Variants in CNTNAP5 observed in about 807,000 individuals in gnomAD.
CNTNAP5 encodes contactin associated protein family member 5.
Under a neutral mutation model 150.2 loss-of-function variants are expected in CNTNAP5, and 72 were observed. That is an observed-to-expected ratio of 0.48 (90% confidence interval 0.40 to 0.58). The LOEUF (loss-of-function observed/expected upper bound fraction) is 0.58. CNTNAP5 is among the 20% of genes least tolerant of loss of function. The pLI is 0.00. For missense variants in CNTNAP5, 1,636 were observed against 1,626.2 expected (o/e 1.01, Z -0.10); for synonymous variants, 672 against 619.8 (o/e 1.08, Z -1.25).
chr2:124,044,407 G>C lies in CNTNAP5; in HGVS notation c.82+18675G>C, dbSNP rs114002375. ...GCTGGAGAAAAGATTTCACAACCCA[G>C]GTAGGATGTGAGCTCCTAGCAGTTT... On this transcript the variant is annotated intron_variant, in intron 1 of 23. Transcript: ENST00000682447. Among the ~76,000 whole-genome samples, 946 of 152,256 alleles carry C rather than the reference G, an allele frequency of 6.2e-3. 10 individuals carry two copies. Among genetic ancestry groups the C allele is most frequent in the African/African-American group, 0.021 (885 of 41,542 alleles).
chr2:124,667,923 G>C (rs1678734055), intron 13 of CNTNAP5, among the ~76,000 whole-genome samples: 1 of 152,180 alleles, frequency 6.6e-6, no homozygotes, highest in African/African-American at 2.4e-5. Flanking sequence ...ACAGTCCTTG[G>C]GAGAAACGAC....
At chr2:124,769,937 T>G (rs72847352) in intron 16 of CNTNAP5, among the ~76,000 whole-genome samples, 1 of 152,124 alleles carries the variant, frequency 6.6e-6, no homozygotes, top group Non-Finnish European at 1.5e-5. Context: ...AAATGAGTAG[T>G]AAGGTATTTG....
chr2:124,716,763 T>G (rs887633160), intron 13 of CNTNAP5, among the ~76,000 whole-genome samples: 1 of 152,082 alleles, frequency 6.6e-6, no homozygotes, highest in Non-Finnish European at 1.5e-5. Context: ...AGAAATTGAT[T>G]AGGTGATAGA....
rs1215761364 is a variant in CNTNAP5, at chr2:124,891,860, C to T, written c.3437-11022C>T. Among the ~76,000 whole-genome samples the T allele has an allele frequency of 6.6e-5, 10 of 152,106 alleles. No homozygotes were observed. In the South Asian group the frequency reaches 1.9e-3, roughly 28 times the overall value. ...CTAGCCTCCATTGAGTTAATAATGG[C>T]CATGTGACATTGTCCTGGACCATGT... On this transcript the variant is annotated intron_variant, in intron 21 of 23. Coordinates refer to ENST00000682447, the MANE Select transcript of CNTNAP5 (RefSeq NM_001367498.1).
At chr2:124,353,286 C>CAAAAAAAAAAAAAAAAAAAAAA (rs565907115) in intron 3 of CNTNAP5, among the ~76,000 whole-genome samples, 11 of 88,276 alleles carry the variant, frequency 1.2e-4, no homozygotes, top group South Asian at 5.6e-4. Context: ...AAAAACAGAC[C>CAAAAAAAAAAAAAAAAAAAAAA]AAAAAAAAAA....
Position 124,340,160 on chromosome 2 carries a change from A to G in CNTNAP5, c.382-77283A>G, listed in dbSNP as rs540632009. Among the ~76,000 whole-genome samples, 14 of 152,244 alleles carry G rather than the reference A, an allele frequency of 9.2e-5. No individual in the cohort carries two copies. The South Asian group carries it at 2.9e-3, about 32-fold the overall frequency. On this transcript the variant is annotated intron_variant, in intron 3 of 23. Transcript: ENST00000682447. ...AGGGAGATTAGTCTGGGGAAGGGCT[A>G]TTATCAGCCTTGTTTTAAGGTTAAA...
chr2:124,534,650 G>A (rs747747729), intron 10 of CNTNAP5, among the ~76,000 whole-genome samples: 4 of 152,142 alleles, frequency 2.6e-5, no homozygotes, highest in Non-Finnish European at 4.4e-5. Flanking sequence ...CAAGGCAGGT[G>A]GATCACGAGG....
chr2:124,841,098 G>A (rs1250632360), intron 19 of CNTNAP5, among the ~76,000 whole-genome samples: 1 of 151,970 alleles, frequency 6.6e-6, no homozygotes, highest in Non-Finnish European at 1.5e-5. Flanking sequence ...TTGTGCTGTG[G>A]GTCAAGTTGC....
chr2:124,261,564 C>A (rs1011030508), intron 3 of CNTNAP5, among the ~76,000 whole-genome samples: 1 of 152,180 alleles, frequency 6.6e-6, no homozygotes. Flanking sequence ...AAGCACAAAT[C>A]TGCCTCATTA....
chr2:124,176,854 T>TTTTTTTTTTG (rs1432569644), intron 1 of CNTNAP5, among the ~76,000 whole-genome samples: 1 of 148,854 alleles, frequency 6.7e-6, no homozygotes, highest in Non-Finnish European at 1.5e-5. Context: ...TTTTTTTTTT[T>TTTTTTTTTTG]TTTTTTTTAC....
At chr2:124,487,316 A>G (rs1693908506) in intron 7 of CNTNAP5, among the ~76,000 whole-genome samples, 1 of 152,190 alleles carries the variant, frequency 6.6e-6, no homozygotes, top group Non-Finnish European at 1.5e-5. Flanking sequence ...CAGATTGACT[A>G]GGTCTTCAAG....
chr2:124,889,121 C>T (rs753381794), intron 21 of CNTNAP5, among the ~76,000 whole-genome samples: 2 of 114,300 alleles, frequency 1.7e-5, no homozygotes, highest in Non-Finnish European at 3.3e-5. Flanking sequence ...GAAAGAATCT[C>T]GCTTTGTCAC....
intron 19 of CNTNAP5, among the ~76,000 whole-genome samples, chr2:124,809,378 T>C (rs1682154461): frequency 7.8e-6 from 1 of 128,552 alleles, no homozygotes; most frequent in Non-Finnish European, 1.6e-5. Flanking sequence ...AACAATAATA[T>C]GGTATTTATT....
chr2:124,025,489 G>C lies in CNTNAP5; in HGVS notation c.-162G>C. 1.6e-6 allele frequency: 1 copy of C among 629,516 alleles called. No individual in the cohort carries two copies. The highest frequency in any genetic ancestry group is 2.9e-6 in the Non-Finnish European group (1 of 350,080). 39.0% of individuals were successfully genotyped at this position (629,516 alleles called of 1,614,324 possible). A position where few individuals can be genotyped will look rare whatever the true frequency, so the allele number is the denominator to read the frequency against. On this transcript the variant is annotated 5_prime_UTR_variant, in exon 1 of 24. Coordinates refer to ENST00000682447, the MANE Select transcript of CNTNAP5 (RefSeq NM_001367498.1). The stretch of plus-strand genomic sequence containing the variant: ...CCGAAGAATCCCCCGCCACGGTTTC[G>C]GTGGAGCGTCTGGGCACGGGATGGA...
At chr2:124,127,499 G>T (rs62163884) in intron 1 of CNTNAP5, among the ~76,000 whole-genome samples, 1 of 152,150 alleles carries the variant, frequency 6.6e-6, no homozygotes, top group Non-Finnish European at 1.5e-5. Context: ...GTAATTTATA[G>T]ATTTAATGCC....
rs1205950929 is a variant in CNTNAP5 at position 124,860,312 on chromosome 2, T to G, written c.3218-4994T>G. On this transcript the variant is annotated intron_variant, in intron 19 of 23. Transcript: ENST00000682447. ...TTGCAGTGAGCCGAGATAGTGCCAT[T>G]GCACTCCAGTCTGGGCGACAGAGCG... Among the ~76,000 whole-genome samples, 3 of 151,844 alleles carry G rather than the reference T, an allele frequency of 2.0e-5. No individual in the cohort carries two copies. In the East Asian group the frequency reaches 5.8e-4, roughly 29 times the overall value.
At chr2:124,804,566 G>A (rs1168530495) in intron 19 of CNTNAP5, among the ~76,000 whole-genome samples, 1 of 152,092 alleles carries the variant, frequency 6.6e-6, no homozygotes, top group East Asian at 1.9e-4. Context: ...TAATCCGACA[G>A]GATTAGTGTC....
intron 11 of CNTNAP5, among the ~76,000 whole-genome samples, chr2:124,573,249 A>G (rs1215665574): frequency 6.6e-6 from 1 of 152,210 alleles, no homozygotes; most frequent in African/African-American, 2.4e-5. Flanking sequence ...CAGGGTGTAT[A>G]TTCACCTTGG....
At chr2:124,631,140 C>T (rs922749479) in intron 12 of CNTNAP5, among the ~76,000 whole-genome samples, 2 of 152,096 alleles carry the variant, frequency 1.3e-5, no homozygotes, top group Non-Finnish European at 2.9e-5. Flanking sequence ...ATGAAAATGG[C>T]CATACTTCCC....
Sources: allele counts gnomAD v4.1 joint callset (sites outside exome capture counted in the v4.1 genomes callset), GRCh38; gene constraint gnomAD v4.1.1; transcripts MANE v1.5; gene names NCBI Gene and HGNC (gene_info 2026-07-23, HGNC 2026-07-21).